Variants in CDH12 observed in about 807,000 individuals in gnomAD.
The protein encoded by CDH12 is cadherin 12.
In CDH12, 41 loss-of-function variants were observed where a neutral mutation model predicts 74.1. The ratio of observed to expected loss-of-function variants is 0.55; its 90% CI spans 0.43 to 0.72. The LOEUF (loss-of-function observed/expected upper bound fraction) is 0.72, where lower values mean the gene tolerates loss of function less well. Ranked by LOEUF, CDH12 falls within the 30% of genes least tolerant of loss-of-function variation. The pLI is 0.00. For missense variants in CDH12, 945 were observed against 977.2 expected, an observed-to-expected ratio of 0.97 and a Z score of 0.44; for synonymous variants, 399 against 355.0, an observed-to-expected ratio of 1.12 and a Z score of -1.39.
rs771534044 is a variant in CDH12 at position 21,990,332 on chromosome 5, A to AAG, written c.232-14949_232-14948dup. Among the ~76,000 whole-genome samples, 88 of 152,296 alleles carry AAG rather than the reference A, an allele frequency of 5.8e-4. 1 individual carries two copies. Among genetic ancestry groups the AAG allele is most frequent in the Non-Finnish European group, 1.3e-4 (9 of 67,992 alleles). On this transcript the variant is annotated intron_variant, in intron 5 of 14. Transcript: ENST00000382254. The stretch of plus-strand genomic sequence containing the variant: ...GCATATAGGGTGTATACAACATAAA[A>AAG]AGAGTTAAAATCCATGATCCTGAGT...
intron 6 of CDH12, among the ~76,000 whole-genome samples, chr5:21,856,852 G>T (rs1429892969): frequency 2.0e-5 from 3 of 151,820 alleles, no homozygotes; most frequent in Admixed American, 6.6e-5. Flanking sequence ...TTCTTCAGCT[G>T]TATCTATAGA....
At chr5:22,100,710 C>G (rs1038528095) in intron 4 of CDH12, among the ~76,000 whole-genome samples, 1 of 144,222 alleles carries the variant, frequency 6.9e-6, no homozygotes, top group African/African-American at 2.6e-5. Context: ...TTTAGATAAC[C>G]CATTCTACTT....
chr5:22,328,608 T>C (rs1739220758), intron 3 of CDH12, among the ~76,000 whole-genome samples: 2 of 152,162 alleles, frequency 1.3e-5, no homozygotes, highest in South Asian at 4.1e-4. Flanking sequence ...TTGAATAGCA[T>C]AGAAGCAGAT....
rs70959715 is a variant in CDH12 at position 22,315,119 on chromosome 5, CTTTTT to C, written c.-333+90133_-333+90137del. Among the ~76,000 whole-genome samples the C allele has an allele frequency of 7.0e-4, 16 of 22,994 alleles. 1 individual carries two copies. The highest frequency in any genetic ancestry group is 4.2e-3 in the South Asian group (1 of 238). The allele number at this position is 22,994 out of a possible 152,430, so 15.1% of individuals were successfully genotyped here. On this transcript the variant is annotated intron_variant, in intron 3 of 14. Coordinates refer to ENST00000382254, the MANE Select transcript of CDH12 (RefSeq NM_004061.5). Reference sequence around the variant, plus strand: ...GGCGCCTGCCACCGTGCCTGCCTGGCTTTTTTTTTTTTTTTTTTTTTTTTAGTAGA... The same window carrying C: ...GGCGCCTGCCACCGTGCCTGCCTGGCTTTTTTTTTTTTTTTTTTTAGTAGA...
intron 4 of CDH12, among the ~76,000 whole-genome samples, chr5:22,211,254 T>C (rs1222491835): frequency 1.3e-5 from 2 of 152,180 alleles, no homozygotes; most frequent in Non-Finnish European, 2.9e-5. Flanking sequence ...CCATTATAAA[T>C]CTTTATACAA....
chr5:22,439,261 A>C (rs1744526984), intron 2 of CDH12, among the ~76,000 whole-genome samples: 1 of 152,018 alleles, frequency 6.6e-6, no homozygotes, highest in African/African-American at 2.4e-5. Context: ...CAAAAATAAA[A>C]ACTGAGTCCC....
At chr5:22,390,206 G>A (rs1472387995) in intron 3 of CDH12, among the ~76,000 whole-genome samples, 1 of 152,100 alleles carries the variant, frequency 6.6e-6, no homozygotes, top group Non-Finnish European at 1.5e-5. Flanking sequence ...TATGAGAGTA[G>A]GCTAAGGATT....
chr5:22,836,401 T>A (rs933630082), intron 1 of CDH12, among the ~76,000 whole-genome samples: 3 of 151,540 alleles, frequency 2.0e-5, no homozygotes, highest in African/African-American at 4.8e-5. Context: ...TTTTTTTTTC[T>A]TGTATTTTTT....
At chr5:22,616,781 A>T (rs1167733393) in intron 1 of CDH12, among the ~76,000 whole-genome samples, 1 of 151,984 alleles carries the variant, frequency 6.6e-6, no homozygotes, top group Non-Finnish European at 1.5e-5. Flanking sequence ...CTAACCCCCA[A>T]TGTGATGGTA....
intron 4 of CDH12, among the ~76,000 whole-genome samples, chr5:22,182,581 C>T (rs1306876667): frequency 6.6e-6 from 1 of 152,020 alleles, no homozygotes. Context: ...AAATTTTACA[C>T]AATAGGAAAA....
At chr5:22,665,600 A>G (rs1439204259) in intron 1 of CDH12, among the ~76,000 whole-genome samples, 2 of 152,178 alleles carry the variant, frequency 1.3e-5, no homozygotes, top group African/African-American at 2.4e-5. Flanking sequence ...AAACTTTCTT[A>G]TATTCTTATT....
chr5:21,759,053 C>T (rs938941137), intron 13 of CDH12, among the ~76,000 whole-genome samples: 8 of 151,954 alleles, frequency 5.3e-5, no homozygotes, highest in African/African-American at 1.9e-4. Context: ...ATCATAGAAG[C>T]CCAAACCTCA....
chr5:22,445,986 T>G (rs987762832), intron 2 of CDH12, among the ~76,000 whole-genome samples: 6 of 152,092 alleles, frequency 3.9e-5, no homozygotes, highest in Non-Finnish European at 8.8e-5. Flanking sequence ...TCTCTTCGCC[T>G]CCCTCAAATG....
At chr5:22,116,935 T>C (rs1215577079) in intron 4 of CDH12, among the ~76,000 whole-genome samples, 4 of 150,944 alleles carry the variant, frequency 2.6e-5, no homozygotes, top group Admixed American at 1.3e-4. Flanking sequence ...AGTACCTTGA[T>C]TGCTCTGATA....
intron 2 of CDH12, among the ~76,000 whole-genome samples, chr5:22,408,224 A>G (rs1394264315): frequency 7.0e-6 from 1 of 143,874 alleles, no homozygotes; most frequent in Non-Finnish European, 1.5e-5. Context: ...GCTAAACAAG[A>G]TAGATTCTTA....
chr5:22,124,030 C>A (rs1446993174), intron 4 of CDH12, among the ~76,000 whole-genome samples: 1 of 151,516 alleles, frequency 6.6e-6, no homozygotes, highest in African/African-American at 2.4e-5. Flanking sequence ...TGCAGCGGTG[C>A]GATCTCAGCT....
chr5:22,129,688 G>A (rs886960100), intron 4 of CDH12, among the ~76,000 whole-genome samples: 1 of 151,390 alleles, frequency 6.6e-6, no homozygotes, highest in African/African-American at 2.4e-5. Context: ...GTGTTTAATC[G>A]TTTTTTTTCA....
chr5:22,407,597 C>A (rs756930371), intron 2 of CDH12, among the ~76,000 whole-genome samples: 2 of 152,018 alleles, frequency 1.3e-5, no homozygotes, highest in Non-Finnish European at 2.9e-5. Flanking sequence ...TTCCCCATGG[C>A]TCTCTGCATG....
intron 4 of CDH12, among the ~76,000 whole-genome samples, chr5:22,097,814 G>A (rs1316662691): frequency 6.6e-6 from 1 of 151,946 alleles, no homozygotes; most frequent in East Asian, 1.9e-4. Flanking sequence ...CTCTTACCCT[G>A]CTCAATGCCA....
Sources: allele counts gnomAD v4.1 joint callset (sites outside exome capture counted in the v4.1 genomes callset), GRCh38; gene constraint gnomAD v4.1.1; transcripts MANE v1.5; gene names NCBI Gene and HGNC (gene_info 2026-07-23, HGNC 2026-07-21).